PTPRD: variants seen among roughly 807,000 people sequenced by gnomAD.
The protein encoded by PTPRD is receptor-type tyrosine-protein phosphatase delta.
Under a neutral mutation model 214.5 loss-of-function variants are expected in PTPRD, and 34 were observed. The ratio of observed to expected loss-of-function variants is 0.16; its 90% confidence interval spans 0.12 to 0.21. PTPRD has a LOEUF of 0.21. PTPRD is among the 10% of genes least tolerant of loss of function. The probability of loss-of-function intolerance (pLI) is 1.00; values close to 1 mark genes in which losing one functional copy is unlikely to be tolerated. For missense variants in PTPRD, 2,545 were observed against 2,398.7 expected, an observed-to-expected ratio of 1.06 and a Z score of -1.27; for synonymous variants, 1,128 against 845.7, an observed-to-expected ratio of 1.33 and a Z score of -5.79.
intron 11 of PTPRD, among the ~76,000 whole-genome samples, chr9:9,014,545 G>A (rs114931978): frequency 6.6e-6 from 1 of 152,110 alleles, no homozygotes; most frequent in Non-Finnish European, 1.5e-5. Context: ...TGTTTGTCTA[G>A]AGATTCCTTG....
At chr9:8,856,777 T>C (rs1415749029) in intron 11 of PTPRD, among the ~76,000 whole-genome samples, 2 of 152,176 alleles carry the variant, frequency 1.3e-5, no homozygotes, top group African/African-American at 4.8e-5. Context: ...GAACACCAAA[T>C]TAATGAAAGC....
intron 41 of PTPRD, 109 bp from the exon 42 acceptor site, chr9:8,340,578 T>C (rs917194286): frequency 2.8e-6 from 3 of 1,084,240 alleles, no homozygotes; most frequent in East Asian, 5.0e-5. Flanking sequence ...AAACATATTA[T>C]TAATGCAATT....
At chr9:8,321,481 GTGTGTGTATATA>G (rs1271199270) in intron 44 of PTPRD, among the ~76,000 whole-genome samples, 17 of 49,198 alleles carry the variant, frequency 3.5e-4, no homozygotes, top group Admixed American at 1.1e-3. Context: ...GTGTGTGTGT[GTGTGTGTATATA>G]TATATATATA....
chr9:9,329,358 C>T (rs915755728), intron 9 of PTPRD, among the ~76,000 whole-genome samples: 13 of 152,120 alleles, frequency 8.5e-5, no homozygotes, highest in African/African-American at 2.9e-4. Context: ...CTTTTCATAA[C>T]TAAGAGATGA....
At chr9:8,588,813 T>C (rs112581645) in intron 14 of PTPRD, among the ~76,000 whole-genome samples, 240 of 152,290 alleles carry the variant, frequency 1.6e-3, no homozygotes, top group South Asian at 2.3e-3. Context: ...AGAATAACCC[T>C]CATTCTTCTT....
chr9:8,496,203 C>CACACAA (rs1554641856), intron 26 of PTPRD, among the ~76,000 whole-genome samples: 102 of 128,670 alleles, frequency 7.9e-4, no homozygotes, highest in African/African-American at 2.7e-3. Flanking sequence ...CACACACACA[C>CACACAA]ACACACAAAC....
chr9:9,916,044 G>A (rs1180881487), intron 5 of PTPRD, among the ~76,000 whole-genome samples: 1 of 151,086 alleles, frequency 6.6e-6, no homozygotes, highest in African/African-American at 2.4e-5. Context: ...TTAGAGGCAA[G>A]GAGAGAATGA....
At chr9:8,553,450 G>T (rs1173464303) in intron 14 of PTPRD, among the ~76,000 whole-genome samples, 2 of 152,024 alleles carry the variant, frequency 1.3e-5, no homozygotes, top group Non-Finnish European at 2.9e-5. Flanking sequence ...TTGAAGTAGT[G>T]GAATGCATTA....
chr9:8,445,290 A>G (rs1010598821), intron 34 of PTPRD, among the ~76,000 whole-genome samples: 1 of 152,016 alleles, frequency 6.6e-6, no homozygotes, highest in African/African-American at 2.4e-5. Flanking sequence ...TATTCTCTTA[A>G]ATGATTAGGT....
At chr9:8,355,900 T>C (rs7037552) in intron 39 of PTPRD, among the ~76,000 whole-genome samples, 1 of 152,122 alleles carries the variant, frequency 6.6e-6, no homozygotes, top group African/African-American at 2.4e-5. Context: ...TACAGGCACA[T>C]TGCTAACATT....
At chr9:9,072,280 TACACACACACACAC>T (rs201508445) in intron 10 of PTPRD, among the ~76,000 whole-genome samples, 80 of 135,718 alleles carry the variant, frequency 5.9e-4, no homozygotes, top group African/African-American at 1.9e-3. Flanking sequence ...GCTGGCAACT[TACACACACACACAC>T]ACACACACAC....
In PTPRD at chr9:8,793,753, G is replaced by A. The variant is rs115445040; in HGVS notation, c.-103-59807C>T. Reference sequence around the variant, plus strand: ...ATTTGCGCATGTAATTTAAAATAACGCAAGTGCTTTATTTGGATATTAGAA... The same window carrying A: ...ATTTGCGCATGTAATTTAAAATAACACAAGTGCTTTATTTGGATATTAGAA... On this transcript the variant is annotated intron_variant, in intron 11 of 45. Transcript: ENST00000381196. Among the ~76,000 whole-genome samples, 589 of 152,078 alleles carry A rather than the reference G, an allele frequency of 3.9e-3. 6 individuals are homozygous for A. Among genetic ancestry groups the A allele is most frequent in the African/African-American group, 0.012 (510 of 41,494 alleles).
intron 11 of PTPRD, among the ~76,000 whole-genome samples, chr9:8,777,740 T>C (rs574058040): frequency 3.0e-4 from 45 of 152,324 alleles, no homozygotes; most frequent in Non-Finnish European, 4.9e-4. Flanking sequence ...GAAAGCCTTA[T>C]TTACTGTACT....
intron 44 of PTPRD, among the ~76,000 whole-genome samples, chr9:8,330,630 G>C (rs974362348): frequency 7.9e-5 from 12 of 152,208 alleles, no homozygotes; most frequent in African/African-American, 2.4e-4. Flanking sequence ...AGAAACAAAG[G>C]ATGCTAGAAG....
chr9:9,975,306 G>A (rs1432294518), intron 4 of PTPRD, among the ~76,000 whole-genome samples: 1 of 152,162 alleles, frequency 6.6e-6, no homozygotes, highest in Admixed American at 6.5e-5. Flanking sequence ...CCAACCCTTC[G>A]TATAGTTTCA....
intron 11 of PTPRD, among the ~76,000 whole-genome samples, chr9:8,897,652 A>G (rs1043643922): frequency 5.9e-5 from 9 of 152,280 alleles, no homozygotes; most frequent in South Asian, 2.1e-4. Flanking sequence ...CAACCTGAAC[A>G]ATGCTTTCAG....
chr9:9,540,327 G>C (rs957118852), intron 8 of PTPRD, among the ~76,000 whole-genome samples: 1 of 151,808 alleles, frequency 6.6e-6, no homozygotes, highest in Non-Finnish European at 1.5e-5. Context: ...GAGGTAAAGA[G>C]ACATGATTTC....
chr9:10,364,844 A>T (rs993250431), intron 2 of PTPRD, among the ~76,000 whole-genome samples: 7 of 152,158 alleles, frequency 4.6e-5, no homozygotes, highest in Admixed American at 4.6e-4. Flanking sequence ...TAGCTCACTA[A>T]AATTTCAGAA....
rs563021507 is a variant in PTPRD, at chr9:9,711,795, C to G, written c.-287+22738G>C. ...TCAATAGTGCAGAGACCGAAAAACTCTGCCTTTCAAACAGCTCTCTTATTT... is the reference window on the plus strand; with the variant it reads ...TCAATAGTGCAGAGACCGAAAAACTGTGCCTTTCAAACAGCTCTCTTATTT... On this transcript the variant is annotated intron_variant, in intron 7 of 45. Coordinates refer to ENST00000381196, the MANE Select transcript of PTPRD (RefSeq NM_002839.4). 3.9e-5 allele frequency among the ~76,000 whole-genome samples: 6 copies of G among 152,180 alleles called. No homozygotes were observed. The East Asian group carries it at 9.6e-4, about 24-fold the overall frequency.
Sources: gnomAD v4.1 joint callset for allele counts (sites outside exome capture counted in the v4.1 genomes callset) on GRCh38, gnomAD v4.1.1 for gene constraint, MANE v1.5 for transcripts, NCBI Gene and HGNC (gene_info 2026-07-23, HGNC 2026-07-21) for gene names.